KDM4A: variants seen among roughly 807,000 people sequenced by gnomAD.
KDM4A encodes the protein lysine demethylase 4A.
In KDM4A, 23 loss-of-function variants were observed where a neutral mutation model predicts 127.1. That is an observed-to-expected ratio of 0.18 (90% CI 0.13 to 0.26). The LOEUF is 0.26. Among genes scored for constraint, KDM4A ranks in the 10% least tolerant of loss-of-function variants. The pLI, the probability that KDM4A is intolerant of heterozygous loss-of-function variation, is 1.00. For synonymous variants in KDM4A, 443 were observed against 466.5 expected (o/e 0.95, Z 0.65); for missense variants, 890 against 1,329.1 (o/e 0.67, Z 5.14).
chr1:43,683,444 C>G (rs1660901836), intron 11 of KDM4A, among the ~76,000 whole-genome samples: 1 of 151,846 alleles, frequency 6.6e-6, no homozygotes, highest in African/African-American at 2.4e-5. Context: ...TCAGGCTGCT[C>G]CTAAGAAGGC....
Position 43,704,367 on chromosome 1 carries a change from G to A in KDM4A, c.3192G>A (p.Glu1064=), listed in dbSNP as rs1214934422. ...CTGCACTATACCGGGCCATCATGGA[G>A]TAGGTGCTTCCAGGGTCCAAGGGAT... ...IEPALYRAIM[E] Residue 1064 remains glutamate (E), a synonymous_variant, in exon 22 of 22, where the codon GAG becomes GAA. Coordinates refer to ENST00000372396, the MANE Select transcript of KDM4A (RefSeq NM_014663.3). 6.2e-7 allele frequency: 1 copy of A among 1,613,128 alleles called. No homozygotes were observed. Among genetic ancestry groups the A allele is most frequent in the Non-Finnish European group, 8.5e-7 (1 of 1,179,786 alleles).
At chr1:43,690,529 T>C in intron 13 of KDM4A, 1 of 400,202 alleles carries the variant, frequency 2.5e-6, no homozygotes, top group Non-Finnish European at 4.7e-6. Context: ...ATTACAGGCG[T>C]GAGCCACCTC....
intron 5 of KDM4A, among the ~76,000 whole-genome samples, chr1:43,665,424 T>G (rs186719681): frequency 2.0e-3 from 301 of 152,244 alleles, no homozygotes; most frequent in Non-Finnish European, 3.5e-3. Flanking sequence ...GAGAGTAATA[T>G]TATGTACCGT....
chr1:43,692,710 G>A (rs2154048688), intron 16 of KDM4A, among the ~76,000 whole-genome samples: 1 of 152,306 alleles, frequency 6.6e-6, no homozygotes, highest in Middle Eastern at 3.4e-3. Context: ...CAAACTCCCT[G>A]GCTCAGACCT....
intron 11 of KDM4A, among the ~76,000 whole-genome samples, chr1:43,677,208 G>C (rs902175478): frequency 3.9e-5 from 6 of 152,116 alleles, no homozygotes; most frequent in African/African-American, 1.4e-4. Context: ...AGCCAGGCGT[G>C]TTGGCGGGTG....
At position 43,697,859 on chromosome 1, in the gene KDM4A, TGCAAA is replaced by T; in HGVS notation, c.2691_2695del (p.Gln897HisfsTer9). ...TTTTTCCAGCGTGCCAAGGGGGCCT[TGCAAA>T]GCATCACTGCAGGCCAGAAAGTCAT... On this transcript the variant is annotated frameshift_variant, in exon 19 of 22. Coordinates refer to ENST00000372396, the MANE Select transcript of KDM4A (RefSeq NM_014663.3). LOFTEE classifies it high-confidence loss of function. The T allele has an allele frequency of 6.2e-7, 1 of 1,613,306 alleles. No individual in the cohort carries two copies. The highest frequency in any genetic ancestry group is 8.5e-7 in the Non-Finnish European group (1 of 1,179,788).
chr1:43,692,007 G>C (rs1661125125), intron 15 of KDM4A, among the ~76,000 whole-genome samples: 1 of 152,236 alleles, frequency 6.6e-6, no homozygotes, highest in Non-Finnish European at 1.5e-5. Context: ...ACTTTGCTAA[G>C]AGTTGTTATT....
At chr1:43,681,553 C>T (rs112681513) in intron 11 of KDM4A, among the ~76,000 whole-genome samples, 1 of 152,128 alleles carries the variant, frequency 6.6e-6, no homozygotes, top group Non-Finnish European at 1.5e-5. Flanking sequence ...TTATTAGCCC[C>T]CACTTCCTCC....
In KDM4A at chr1:43,705,190, A is replaced by G. The variant is rs1661522377; in HGVS notation, c.*820A>G. The stretch of plus-strand genomic sequence containing the variant: ...GCAGAGCCTGGTGGGTGATTCTGTC[A>G]ACAGAAAATTGCAATCATGCAGGGG... On this transcript the variant is annotated 3_prime_UTR_variant, in exon 22 of 22. Transcript: ENST00000372396. 6.6e-6 allele frequency: 1 copy of G among 150,806 alleles called. No homozygotes were observed. Among genetic ancestry groups the G allele is most frequent in the Admixed American group, 6.6e-5 (1 of 15,038 alleles). The allele number at this position is 150,806 out of a possible 1,614,324, so 9.3% of individuals were successfully genotyped here.
chr1:43,691,881 G>A (rs566017429), intron 15 of KDM4A, among the ~76,000 whole-genome samples: 15 of 152,182 alleles, frequency 9.9e-5, no homozygotes, highest in Non-Finnish European at 1.8e-4. Flanking sequence ...GGGCTCAGAT[G>A]ATTCATTGTG....
At position 43,652,679 on chromosome 1, in the gene KDM4A, C is replaced by CTTTTTT. The variant is rs771216218; in HGVS notation, c.-39-444_-39-439dup. ...ATTACTTTTCTTTCTTTCTTTCTTT[C>CTTTTTT]TTTTTTTTTTTTTTTTTTTGAGACG... On this transcript the variant is annotated intron_variant, in intron 1 of 21. Transcript: ENST00000372396. 1.3e-4 allele frequency among the ~76,000 whole-genome samples: 15 copies of CTTTTTT among 118,770 alleles called. No homozygotes were observed. In the South Asian group the frequency reaches 1.8e-3, roughly 14 times the overall value. 77.9% of individuals were successfully genotyped at this position (118,770 alleles called of 152,430 possible).
intron 19 of KDM4A, among the ~76,000 whole-genome samples, chr1:43,700,890 A>G (rs889304873): frequency 2.0e-5 from 3 of 151,880 alleles, no homozygotes; most frequent in East Asian, 1.9e-4. Flanking sequence ...GCCTATCGAC[A>G]GCCTCCAAAT....
chr1:43,691,733 G>T (rs1661117058), intron 15 of KDM4A, among the ~76,000 whole-genome samples, 161 bp downstream of exon 15: 1 of 152,172 alleles, frequency 6.6e-6, no homozygotes, highest in Non-Finnish European at 1.5e-5. Flanking sequence ...CTATGACCGT[G>T]AGAATGGTTG....
At chr1:43,672,679 A>G (rs1356531182) in intron 11 of KDM4A, among the ~76,000 whole-genome samples, 1 of 151,878 alleles carries the variant, frequency 6.6e-6, no homozygotes, top group East Asian at 1.9e-4. Context: ...TATTTTTAGT[A>G]GAGACTGGGT....
intron 19 of KDM4A, chr1:43,703,352 C>G (rs570310871): frequency 2.1e-5 from 7 of 327,456 alleles, no homozygotes; most frequent in Middle Eastern, 1.9e-3. Context: ...ACTCTTGATT[C>G]TGGCACTTAA....
At chr1:43,683,581 T>C (rs1660904903) in intron 11 of KDM4A, 103 bp from the exon 12 acceptor site, 1 of 1,367,916 alleles carries the variant, frequency 7.3e-7, no homozygotes, top group African/African-American at 1.5e-5. Context: ...TGTCTTTTTG[T>C]TTCTCTGTGC....
chr1:43,662,978 A>C lies in KDM4A; in HGVS notation c.514A>C (p.Asn172His). The change falls in exon 5 of 22, where the codon AAC (asparagine) becomes CAC (histidine). Residue 172 changes from asparagine (N) to histidine (H), a missense_variant. Around this residue, in one of 7 missense-constraint regions of KDM4A, gnomAD observed 141 missense variants for 273.5 expected, o/e 0.52. Coordinates refer to ENST00000372396, the MANE Select transcript of KDM4A (RefSeq NM_014663.3). ...GAGTGGGATCACCATTGAGGGTGTG[A>C]ACACCCCATACCTGTACTTTGGCAT... ...KESGITIEGV[N>H]TPYLYFGMWK... The C allele has an allele frequency of 6.2e-7, 1 of 1,614,034 alleles. No homozygotes were observed. The highest frequency in any genetic ancestry group is 8.5e-7 in the Non-Finnish European group (1 of 1,179,876).
chr1:43,686,007 A>T (rs917063813), intron 12 of KDM4A, among the ~76,000 whole-genome samples: 1 of 152,198 alleles, frequency 6.6e-6, no homozygotes, highest in African/African-American at 2.4e-5. Flanking sequence ...AATTACCCTT[A>T]AAAGATGACC....
Position 43,653,282 on chromosome 1 carries a change from C to G in KDM4A, c.107C>G (p.Ser36Cys). 8 of 1,613,298 alleles carry G rather than the reference C, an allele frequency of 5.0e-6. No individual in the cohort carries two copies. Among genetic ancestry groups the G allele is most frequent in the Non-Finnish European group, 6.8e-6 (8 of 1,179,538 alleles). Residue 36 changes from serine to cysteine, a missense_variant, in exon 2 of 22, where the codon TCC (serine) becomes TGC (cysteine). Coordinates refer to ENST00000372396, the MANE Select transcript of KDM4A (RefSeq NM_014663.3). The stretch of plus-strand genomic sequence containing the variant: ...AGTAGATACATTGCCTACATTGAAT[C>G]CCAAGGAGCTCATCGGGCAGGGCTA... ...NFSRYIAYIE[S>C]QGAHRAGLAK...
Sources: allele counts gnomAD v4.1 joint callset (sites outside exome capture counted in the v4.1 genomes callset), GRCh38; gene constraint gnomAD v4.1.1; regional missense constraint gnomAD v4.1.1; transcripts MANE v1.5; gene names NCBI Gene and HGNC (gene_info 2026-07-23, HGNC 2026-07-21).